Variants in PDE4D observed in about 807,000 individuals in gnomAD.
The protein encoded by PDE4D is phosphodiesterase 4D.
Under a neutral mutation model 87.4 loss-of-function variants are expected in PDE4D, and 24 were observed. The observed-to-expected ratio is 0.27, with a 90% CI of 0.20 to 0.39. The LOEUF (loss-of-function observed/expected upper bound fraction) is 0.39, where lower values mean the gene tolerates loss of function less well. Ranked by LOEUF, PDE4D falls within the 10% of genes least tolerant of loss-of-function variation. PDE4D has a pLI of 1.00. For synonymous variants in PDE4D, 384 were observed against 383.2 expected, an observed-to-expected ratio of 1.00 and a Z score of -0.02; for missense variants, 714 against 1,041.0, an observed-to-expected ratio of 0.69 and a Z score of 4.32.
intron 1 of PDE4D, among the ~76,000 whole-genome samples, chr5:59,632,471 A>G (rs1326820179): frequency 6.6e-6 from 1 of 152,188 alleles, no homozygotes; most frequent in Non-Finnish European, 1.5e-5. Flanking sequence ...GCAGGGGTTG[A>G]CAGACACTTC....
chr5:60,037,008 G>A (rs540720352), intron 2 of PDE4D, among the ~76,000 whole-genome samples: 1 of 152,238 alleles, frequency 6.6e-6, no homozygotes, highest in Non-Finnish European at 1.5e-5. Flanking sequence ...ATGCAAGGAG[G>A]GGGGCCCATT....
At chr5:60,264,307 T>C (rs1749949557) in intron 1 of PDE4D, among the ~76,000 whole-genome samples, 1 of 152,210 alleles carries the variant, frequency 6.6e-6, no homozygotes, top group South Asian at 2.1e-4. Context: ...AAATTTTTCC[T>C]GACACGACTT....
chr5:59,090,308 C>T (rs1294343564), intron 5 of PDE4D, among the ~76,000 whole-genome samples: 2 of 152,018 alleles, frequency 1.3e-5, no homozygotes, highest in Non-Finnish European at 2.9e-5. Flanking sequence ...AATTTTACAC[C>T]ATGTCTAGTC....
chr5:60,193,488 A>G (rs898861001), intron 1 of PDE4D, among the ~76,000 whole-genome samples: 1 of 151,728 alleles, frequency 6.6e-6, no homozygotes, highest in Non-Finnish European at 1.5e-5. Flanking sequence ...GGCTAACAAG[A>G]TGAAACCCCG....
At chr5:59,938,169 A>G (rs1369288) in intron 3 of PDE4D, among the ~76,000 whole-genome samples, 92,722 of 152,076 alleles carry the variant, frequency 0.61, 32,574 homozygotes, top group East Asian at 0.89. Flanking sequence ...TTTATTAAAT[A>G]GCACCCTTCA....
At chr5:59,574,020 A>ATATAAAAATATATATATATATATATT in intron 1 of PDE4D, among the ~76,000 whole-genome samples, 1 of 111,414 alleles carries the variant, frequency 9.0e-6, no homozygotes, top group East Asian at 2.3e-4. Context: ...ATATATATAT[A>ATATAAAAATATATATATATATATATT]TATATATAAA....
chr5:59,514,245 A>C (rs1810773839), intron 1 of PDE4D, among the ~76,000 whole-genome samples: 1 of 151,692 alleles, frequency 6.6e-6, no homozygotes, highest in African/African-American at 2.4e-5. Context: ...AGCTGGGACT[A>C]CAGGCGCCCG....
chr5:60,109,156 A>G (rs1193741471), intron 2 of PDE4D, among the ~76,000 whole-genome samples: 1 of 151,942 alleles, frequency 6.6e-6, no homozygotes, highest in Non-Finnish European at 1.5e-5. Flanking sequence ...ACTCAAACAA[A>G]TTTACAAGAA....
chr5:60,091,827 C>T (rs983824337), intron 2 of PDE4D, among the ~76,000 whole-genome samples: 6 of 151,686 alleles, frequency 4.0e-5, no homozygotes, highest in Admixed American at 1.3e-4. Context: ...CCGAGACAGG[C>T]GGATCACGAG....
At chr5:59,529,037 G>C (rs1561132256) in intron 1 of PDE4D, 2 of 468,822 alleles carry the variant, frequency 4.3e-6, no homozygotes, top group East Asian at 1.2e-4. Flanking sequence ...TAACCACCAA[G>C]GGCTCATCGA....
chr5:59,204,646 T>A (rs1476842130), intron 2 of PDE4D, among the ~76,000 whole-genome samples: 1 of 152,202 alleles, frequency 6.6e-6, no homozygotes, highest in Non-Finnish European at 1.5e-5. Context: ...AGAGTCTGAC[T>A]TCCATGGAGG....
intron 1 of PDE4D, among the ~76,000 whole-genome samples, chr5:59,284,994 T>G (rs1270247061): frequency 1.2e-5 from 1 of 85,408 alleles, no homozygotes; most frequent in African/African-American, 4.6e-5. Context: ...TTCTCACTCA[T>G]AGGTGGGAAT....
At chr5:59,638,419 T>C (rs563418726) in intron 1 of PDE4D, among the ~76,000 whole-genome samples, 4 of 152,276 alleles carry the variant, frequency 2.6e-5, no homozygotes, top group Admixed American at 2.6e-4. Context: ...GGTGACTTGC[T>C]GCCTGAGCAG....
intron 1 of PDE4D, among the ~76,000 whole-genome samples, chr5:59,268,475 G>C (rs1763233153): frequency 6.6e-6 from 1 of 151,992 alleles, no homozygotes; most frequent in African/African-American, 2.4e-5. Flanking sequence ...TGCTGTCATT[G>C]TGCCCCATGT....
Position 59,083,926 on chromosome 5 carries a change from G to A in PDE4D, c.809-44955C>T, listed in dbSNP as rs112752353. 4.5e-3 allele frequency among the ~76,000 whole-genome samples: 683 copies of A among 152,132 alleles called. 7 individuals are homozygous for A. The highest frequency in any genetic ancestry group is 0.016 in the African/African-American group (650 of 41,510). ...TGGCAGGGATATCATAAGGAGCTCT[G>A]TAGTACTTATAAACTGCTTATAAGC... On this transcript the variant is annotated intron_variant, in intron 5 of 14. Coordinates refer to ENST00000340635, the MANE Select transcript of PDE4D (RefSeq NM_001104631.2).
chr5:59,142,346 T>A (rs1447666267), intron 5 of PDE4D, among the ~76,000 whole-genome samples: 1 of 151,556 alleles, frequency 6.6e-6, no homozygotes, highest in Non-Finnish European at 1.5e-5. Context: ...AACCTTCATT[T>A]TTTCCTCCTT....
chr5:59,696,448 T>C (rs1439486190), intron 1 of PDE4D, among the ~76,000 whole-genome samples: 3 of 152,158 alleles, frequency 2.0e-5, no homozygotes, highest in Non-Finnish European at 2.9e-5. Flanking sequence ...TATCTTAATA[T>C]ACATTATACA....
intron 1 of PDE4D, among the ~76,000 whole-genome samples, chr5:59,736,499 CG>C (rs1419784921): frequency 6.6e-6 from 1 of 151,710 alleles, no homozygotes; most frequent in East Asian, 1.9e-4. Context: ...ACCAACATGG[CG>C]AAACACTGTC....
chr5:59,075,846 AT>A lies in PDE4D; in HGVS notation c.809-36876del, dbSNP rs145197136. On this transcript the variant is annotated intron_variant, in intron 5 of 14. Transcript: ENST00000340635. ...TATCCTTTCTTTGTTATAAATATCCATTTTTTTTAAAGACCCATACTATCTT... is the reference window on the plus strand; with the variant it reads ...TATCCTTTCTTTGTTATAAATATCCATTTTTTTAAAGACCCATACTATCTT... Among the ~76,000 whole-genome samples the A allele has an allele frequency of 7.5e-3, 1,142 of 151,922 alleles. 15 individuals carry two copies. Among genetic ancestry groups the A allele is most frequent in the African/African-American group, 0.026 (1,072 of 41,452 alleles).
Sources: allele counts gnomAD v4.1 joint callset (sites outside exome capture counted in the v4.1 genomes callset), GRCh38; gene constraint gnomAD v4.1.1; transcripts MANE v1.5; gene names NCBI Gene and HGNC (gene_info 2026-07-23, HGNC 2026-07-21).